CNGB3: variants seen among roughly 807,000 people sequenced by gnomAD.
CNGB3 encodes the protein cyclic nucleotide-gated channel beta-3.
Under a neutral mutation model 92.8 loss-of-function variants are expected in CNGB3, and 86 were observed. The ratio of observed to expected loss-of-function variants is 0.93; its 90% confidence interval spans 0.78 to 1.11. The LOEUF (loss-of-function observed/expected upper bound fraction) is 1.11, where lower values mean the gene tolerates loss of function less well. Ranked by LOEUF, CNGB3 falls within the 50% of genes least tolerant of loss-of-function variation. The pLI, the probability that CNGB3 is intolerant of heterozygous loss-of-function variation, is 0.00. For missense variants in CNGB3, 1,026 were observed against 956.8 expected, an observed-to-expected ratio of 1.07 and a Z score of -0.95; for synonymous variants, 333 against 332.7, an observed-to-expected ratio of 1.00 and a Z score of -0.01.
At chr8:86,693,173 C>A (rs921640493) in intron 3 of CNGB3, among the ~76,000 whole-genome samples, 3 of 152,086 alleles carry the variant, frequency 2.0e-5, no homozygotes, top group African/African-American at 7.2e-5. Context: ...TTTTCTTCAT[C>A]TTGAGTTTAG....
chr8:86,599,842 G>A (rs1179929881), intron 15 of CNGB3, among the ~76,000 whole-genome samples: 1 of 152,158 alleles, frequency 6.6e-6, no homozygotes, highest in Non-Finnish European at 1.5e-5. Context: ...CTGTGGTCCT[G>A]TGATCTTGCC....
intron 5 of CNGB3, 79 bp from the exon 6 acceptor site, chr8:86,667,212 T>C (rs1044575651): frequency 3.2e-6 from 4 of 1,231,528 alleles, no homozygotes; most frequent in Admixed American, 1.9e-5. Context: ...TTTGGGGAGG[T>C]TGGGGCACTA....
chr8:86,597,837 C>A (rs746562977), intron 15 of CNGB3, among the ~76,000 whole-genome samples: 1 of 151,806 alleles, frequency 6.6e-6, no homozygotes, highest in African/African-American at 2.4e-5. Flanking sequence ...AAATTAGCTG[C>A]GCACGATGGC....
chr8:86,669,976 A>G (rs1823823082), intron 4 of CNGB3, among the ~76,000 whole-genome samples: 1 of 151,972 alleles, frequency 6.6e-6, no homozygotes, highest in Non-Finnish European at 1.5e-5. Flanking sequence ...TCACCTCCCA[A>G]GTAGCTGGTA....
chr8:86,677,548 TA>T (rs916640198), intron 3 of CNGB3, among the ~76,000 whole-genome samples: 7 of 152,228 alleles, frequency 4.6e-5, no homozygotes, highest in Admixed American at 4.6e-4. Flanking sequence ...AGATTACCAG[TA>T]AAAGCCTGCA....
chr8:86,657,102 T>A (rs1338187862), intron 6 of CNGB3, among the ~76,000 whole-genome samples: 1 of 152,150 alleles, frequency 6.6e-6, no homozygotes, highest in East Asian at 1.9e-4. Context: ...AAAAGTTGCT[T>A]AGTGAGTCAG....
intron 8 of CNGB3, among the ~76,000 whole-genome samples, chr8:86,646,678 C>A (rs1241285706): frequency 1.3e-5 from 2 of 151,030 alleles, no homozygotes; most frequent in East Asian, 3.9e-4. Context: ...CTTGTCTTCC[C>A]AAGATGCAAA....
At chr8:86,675,329 T>C (rs1823946277) in intron 3 of CNGB3, among the ~76,000 whole-genome samples, 1 of 152,170 alleles carries the variant, frequency 6.6e-6, no homozygotes, top group Non-Finnish European at 1.5e-5. Flanking sequence ...TGCCTTGGCC[T>C]CCCAAAGTAC....
intron 3 of CNGB3, among the ~76,000 whole-genome samples, chr8:86,720,839 TACACACACACACACACACACAC>T (rs4024071): frequency 3.1e-5 from 4 of 129,888 alleles, no homozygotes; most frequent in Admixed American, 1.6e-4. Context: ...TATATATGTA[TACACACACACACACACACACAC>T]ACACACACAC....
chr8:86,733,556 AGGAGGG>A (rs1825195301), intron 2 of CNGB3, among the ~76,000 whole-genome samples: 1 of 152,226 alleles, frequency 6.6e-6, no homozygotes, highest in Non-Finnish European at 1.5e-5. Flanking sequence ...TACATTTTGT[AGGAGGG>A]TCTCTCTTCC....
chr8:86,593,496 C>G (rs1223578020), intron 15 of CNGB3, among the ~76,000 whole-genome samples: 1 of 152,028 alleles, frequency 6.6e-6, no homozygotes, highest in Non-Finnish European at 1.5e-5. Flanking sequence ...AAGTAAATCC[C>G]TTTATTTTCC....
chr8:86,643,640 G>T, intron 10 of CNGB3, 111 bp downstream of exon 10: 1 of 1,149,026 alleles, frequency 8.7e-7, no homozygotes, highest in Non-Finnish European at 1.3e-6. Context: ...GCATTTACCA[G>T]CCATTGAATG....
Position 86,582,518 on chromosome 8 carries a change from C to T in CNGB3, c.1782-3266G>A, listed in dbSNP as rs570082713. ...AAAGAAACAAAACAAATGAAAAACC[C>T]CCAACTTCTGGGCATATCATATTCC... On this transcript the variant is annotated intron_variant, in intron 15 of 17. Coordinates refer to ENST00000320005, the MANE Select transcript of CNGB3 (RefSeq NM_019098.5). Among the ~76,000 whole-genome samples, 6 of 152,110 alleles carry T rather than the reference C, an allele frequency of 3.9e-5. No individual in the cohort carries two copies. In the South Asian group the frequency reaches 6.2e-4, roughly 16 times the overall value.
intron 3 of CNGB3, among the ~76,000 whole-genome samples, chr8:86,678,265 C>A (rs938998338): frequency 1.1e-4 from 17 of 152,220 alleles, no homozygotes; most frequent in African/African-American, 4.1e-4. Flanking sequence ...GAAAATAGCA[C>A]AAAATTATGA....
intron 14 of CNGB3, 46 bp downstream of exon 14, chr8:86,611,542 C>T (rs1417707693): frequency 6.8e-7 from 1 of 1,460,232 alleles, no homozygotes; most frequent in South Asian, 1.1e-5. Context: ...CCGAAATCCT[C>T]AAATGCATTT....
chr8:86,616,497 T>G (rs1334327201), intron 13 of CNGB3, among the ~76,000 whole-genome samples: 4 of 152,164 alleles, frequency 2.6e-5, no homozygotes, highest in Non-Finnish European at 5.9e-5. Flanking sequence ...GAGATATACA[T>G]TGCTTCATTA....
In CNGB3 at chr8:86,575,965, T is replaced by C. The variant is rs745975709; in HGVS notation, c.2269A>G (p.Thr757Ala). Residue 757 changes from threonine (T) to alanine (A), a missense_variant, in exon 18 of 18, where the codon ACA (threonine) becomes GCA (alanine). Thr to Ala is a moderately conservative substitution (Grantham distance 58). Coordinates refer to ENST00000320005, the MANE Select transcript of CNGB3 (RefSeq NM_019098.5). Reference sequence around the variant, plus strand: ...TCCTCCACTGCAATAGGACTTGCTGTACATTCAGGTCTGTCCAGTGGCTTC... The same window carrying C: ...TCCTCCACTGCAATAGGACTTGCTGCACATTCAGGTCTGTCCAGTGGCTTC... Reference protein sequence around the residue: ...EEKPLDRPECTASPIAVEEEP... With the variant: ...EEKPLDRPECAASPIAVEEEP... The C allele has an allele frequency of 4.3e-6, 7 of 1,614,088 alleles. No homozygotes were observed. Among genetic ancestry groups the C allele is most frequent in the Non-Finnish European group, 5.9e-6 (7 of 1,180,034 alleles).
chr8:86,645,207 C>T (rs749107960), intron 8 of CNGB3, among the ~76,000 whole-genome samples: 28 of 151,276 alleles, frequency 1.9e-4, no homozygotes, highest in Admixed American at 4.6e-4. Context: ...TTCAAAGATA[C>T]AAAGAGTTTA....
chr8:86,628,978 A>G lies in CNGB3; in HGVS notation c.1421T>C (p.Leu474Pro). ...CCAAGTCCGAACTCGCTTTTGCACA[A>G]GTTTAGGAATGGAGTAATTGTTCAT... is the stretch of plus-strand genomic sequence containing the variant. The part of the protein sequence containing the change: ...AYMNNYSIPK[L>P]VQKRVRTWYE... Residue 474 changes from leucine to proline, a missense_variant, in exon 12 of 18, where the codon CTT becomes CCT. Coordinates refer to ENST00000320005, the MANE Select transcript of CNGB3 (RefSeq NM_019098.5). The G allele has an allele frequency of 6.2e-7, 1 of 1,614,028 alleles. No homozygotes were observed. The highest frequency in any genetic ancestry group is 1.1e-5 in the South Asian group (1 of 91,082).
Sources: allele counts gnomAD v4.1 joint callset (sites outside exome capture counted in the v4.1 genomes callset), GRCh38; gene constraint gnomAD v4.1.1; transcripts MANE v1.5; gene names NCBI Gene and HGNC (gene_info 2026-07-23, HGNC 2026-07-21).